Variants in CDC42BPA observed in about 807,000 individuals in gnomAD.
CDC42BPA encodes CDC42 binding protein kinase alpha, also known as serine/threonine-protein kinase MRCK alpha.
CDC42BPA carries 80 observed loss-of-function variants against 223.5 expected under a neutral mutation model. The ratio of observed to expected loss-of-function variants is 0.36; its 90% CI spans 0.30 to 0.43. The LOEUF (loss-of-function observed/expected upper bound fraction) is 0.43, where lower values mean the gene tolerates loss of function less well. CDC42BPA is among the 20% of genes least tolerant of loss of function. The probability of loss-of-function intolerance (pLI) is 1.00; values close to 1 mark genes in which losing one functional copy is unlikely to be tolerated. For synonymous variants in CDC42BPA, 694 were observed against 718.6 expected (o/e 0.97, Z 0.55); for missense variants, 1,743 against 2,099.9 (o/e 0.83, Z 3.32).
At chr1:227,085,061 C>A (rs1336315080) in intron 16 of CDC42BPA, among the ~76,000 whole-genome samples, 4 of 152,148 alleles carry the variant, frequency 2.6e-5, no homozygotes, top group Non-Finnish European at 5.9e-5. Context: ...GGGACTGGAA[C>A]TACAAAATAT....
intron 32 of CDC42BPA, among the ~76,000 whole-genome samples, chr1:227,021,577 A>G (rs1667379730): frequency 6.6e-6 from 1 of 152,218 alleles, no homozygotes; most frequent in African/African-American, 2.4e-5. Flanking sequence ...TGTGTATTCC[A>G]GTACTTAATA....
intron 1 of CDC42BPA, among the ~76,000 whole-genome samples, chr1:227,269,296 A>G (rs1685586216): frequency 6.6e-6 from 1 of 152,264 alleles, no homozygotes; most frequent in Non-Finnish European, 1.5e-5. Flanking sequence ...AGATATAGGT[A>G]TTTTAAATGA....
intron 1 of CDC42BPA, among the ~76,000 whole-genome samples, chr1:227,269,383 G>A (rs576382473): frequency 4.6e-5 from 7 of 152,294 alleles, no homozygotes; most frequent in South Asian, 2.1e-4. Flanking sequence ...GCCATAATTA[G>A]AGAAACAATT....
chr1:227,310,226 G>GT (rs1444551143), intron 1 of CDC42BPA, among the ~76,000 whole-genome samples: 1 of 152,166 alleles, frequency 6.6e-6, no homozygotes, highest in Non-Finnish European at 1.5e-5. Flanking sequence ...ATAATCTGCT[G>GT]TATTTTTAAC....
chr1:227,301,361 C>CTT (rs1558992254), intron 1 of CDC42BPA, among the ~76,000 whole-genome samples: 4 of 144,932 alleles, frequency 2.8e-5, no homozygotes, highest in Non-Finnish European at 6.1e-5. Flanking sequence ...AGGATGTAGA[C>CTT]ATTTTTTTTT....
At chr1:227,071,990 C>G (rs1021588426) in intron 20 of CDC42BPA, among the ~76,000 whole-genome samples, 16 of 151,648 alleles carry the variant, frequency 1.1e-4, no homozygotes, top group African/African-American at 3.6e-4. Flanking sequence ...AATCATTAAA[C>G]AATGCATATT....
intron 21 of CDC42BPA, among the ~76,000 whole-genome samples, chr1:227,067,806 GAATAA>G (rs1677413953): frequency 1.3e-5 from 2 of 151,892 alleles, no homozygotes; most frequent in Non-Finnish European, 2.9e-5. Flanking sequence ...AAAACAGAAA[GAATAA>G]AACATTAAAA....
chr1:227,245,577 C>T (rs1037911804), intron 2 of CDC42BPA, among the ~76,000 whole-genome samples: 4 of 152,128 alleles, frequency 2.6e-5, no homozygotes, highest in Admixed American at 6.5e-5. Context: ...AGGCGTAAGC[C>T]ACCATGCCCA....
intron 1 of CDC42BPA, among the ~76,000 whole-genome samples, chr1:227,301,239 C>A (rs1458997380): frequency 6.6e-6 from 1 of 152,214 alleles, no homozygotes; most frequent in Non-Finnish European, 1.5e-5. Flanking sequence ...TAAATTCTAA[C>A]ACAAATTTCC....
intron 12 of CDC42BPA, among the ~76,000 whole-genome samples, chr1:227,115,780 A>G (rs1309460001): frequency 6.6e-6 from 1 of 152,088 alleles, no homozygotes; most frequent in Non-Finnish European, 1.5e-5. Flanking sequence ...AGATACTTAT[A>G]AATAACTCAT....
Position 226,994,183 on chromosome 1 carries a change from GC to G in CDC42BPA, c.*84del, listed in dbSNP as rs1661100727. On this transcript the variant is annotated 3_prime_UTR_variant, in exon 37 of 37. Transcript: ENST00000366766. This position sits in a 1 kb window ranked among gnomAD's most constrained non-coding sequence, Gnocchi z 4.0. The stretch of plus-strand genomic sequence containing the variant: ...CAGCCCCTGGTGGCTTTCAGGCCGA[GC>G]AGGCGAGGTGGAGGGAAGAGATGAA... 1.4e-6 allele frequency: 2 copies of G among 1,391,714 alleles called. No homozygotes were observed. 86.2% of individuals were successfully genotyped at this position (1,391,714 alleles called of 1,614,324 possible).
intron 1 of CDC42BPA, among the ~76,000 whole-genome samples, chr1:227,315,087 C>T (rs1378278726): frequency 2.0e-5 from 3 of 152,024 alleles, no homozygotes; most frequent in Admixed American, 2.0e-4. Flanking sequence ...TCTCAAATAA[C>T]TTAAAGACAG....
chr1:227,176,328 T>C (rs1427385697), intron 5 of CDC42BPA, among the ~76,000 whole-genome samples: 3 of 152,152 alleles, frequency 2.0e-5, no homozygotes, highest in African/African-American at 4.8e-5. Flanking sequence ...CAGCATCTCC[T>C]TTCTTCTACA....
At chr1:227,257,933 G>A (rs1683376307) in intron 1 of CDC42BPA, among the ~76,000 whole-genome samples, 1 of 150,870 alleles carries the variant, frequency 6.6e-6, no homozygotes, top group Non-Finnish European at 1.5e-5. Context: ...ACTTTGGGAG[G>A]CCAAAGCAGA....
At chr1:227,120,363 TCA>T (rs1300406702) in intron 11 of CDC42BPA, among the ~76,000 whole-genome samples, 2 of 152,196 alleles carry the variant, frequency 1.3e-5, no homozygotes, top group Non-Finnish European at 2.9e-5. Flanking sequence ...TCCAAATCAC[TCA>T]GTCTAGTTTC....
Position 227,074,376 on chromosome 1 carries a change from A to G in CDC42BPA, c.2481-12T>C. 1 of 1,588,100 alleles carries G rather than the reference A, an allele frequency of 6.3e-7. No homozygotes were observed. Among genetic ancestry groups the G allele is most frequent in the South Asian group, 1.1e-5 (1 of 88,276 alleles). The stretch of plus-strand genomic sequence containing the variant: ...TTTCATCGCTGACCCTAGAATATAT[A>G]AAGACAAAGTACAAAAGTAAAACAA... On this transcript the variant is annotated splice_polypyrimidine_tract_variant and intron_variant, in intron 17 of 36. Coordinates refer to ENST00000366766, the MANE Select transcript of CDC42BPA (RefSeq NM_001394014.1).
intron 2 of CDC42BPA, among the ~76,000 whole-genome samples, chr1:227,222,592 T>C (rs1558802325): frequency 6.6e-6 from 1 of 152,176 alleles, no homozygotes; most frequent in East Asian, 1.9e-4. Flanking sequence ...TCCTGCCCCA[T>C]ACCTGGAAGG....
At chr1:227,059,636 T>C (rs1366726561) in intron 21 of CDC42BPA, among the ~76,000 whole-genome samples, 2 of 152,204 alleles carry the variant, frequency 1.3e-5, no homozygotes, top group African/African-American at 4.8e-5. Context: ...CACTGGCCCA[T>C]GTACAGTGAC....
chr1:227,183,883 C>T (rs1668343785), intron 5 of CDC42BPA, among the ~76,000 whole-genome samples: 1 of 152,180 alleles, frequency 6.6e-6, no homozygotes, highest in African/African-American at 2.4e-5. Context: ...TTTATTTTAA[C>T]TGTTCAAACA....
Sources: allele counts gnomAD v4.1 joint callset (sites outside exome capture counted in the v4.1 genomes callset), GRCh38; gene constraint gnomAD v4.1.1; non-coding constraint Gnocchi (gnomAD v3.1); transcripts MANE v1.5; gene names NCBI Gene and HGNC (gene_info 2026-07-23, HGNC 2026-07-21).